The following STK24 variants were observed in gnomAD, a reference collection of about 807,000 sequenced individuals.
STK24 encodes the protein serine/threonine-protein kinase 24.
STK24 carries 21 observed loss-of-function variants against 55.6 expected under a neutral mutation model. The ratio of observed to expected loss-of-function variants is 0.38; its 90% CI spans 0.27 to 0.54. The LOEUF is 0.54. Ranked by LOEUF, STK24 falls within the 20% of genes least tolerant of loss-of-function variation. The pLI is 0.79. For synonymous variants in STK24, 200 were observed against 215.2 expected (o/e 0.93, Z 0.62); for missense variants, 383 against 538.4 (o/e 0.71, Z 2.86).
At chr13:98,571,035 C>A (rs998080289) in intron 1 of STK24, among the ~76,000 whole-genome samples, 1 of 152,144 alleles carries the variant, frequency 6.6e-6, no homozygotes. Context: ...CCACTTCCTG[C>A]AGGTAAGGAG....
intron 2 of STK24, among the ~76,000 whole-genome samples, chr13:98,489,920 G>A (rs1186817470): frequency 6.6e-6 from 1 of 152,188 alleles, no homozygotes; most frequent in African/African-American, 2.4e-5. Flanking sequence ...TAAGAGCGAG[G>A]AGAAAAGCAA....
At chr13:98,466,595 G>C (rs1345445032) in intron 5 of STK24, 34 bp from the exon 6 acceptor site, 3 of 1,606,598 alleles carry the variant, frequency 1.9e-6, no homozygotes, top group Non-Finnish European at 1.7e-6. Flanking sequence ...CAAACACCAA[G>C]CAGGAATCTA....
intron 1 of STK24, among the ~76,000 whole-genome samples, chr13:98,565,535 G>A (rs1267852020): frequency 6.6e-6 from 1 of 151,812 alleles, no homozygotes. Context: ...GGGAGGCTGA[G>A]GCAGGAGAAT....
intron 1 of STK24, among the ~76,000 whole-genome samples, chr13:98,529,161 C>A (rs762357175): frequency 6.6e-6 from 1 of 152,094 alleles, no homozygotes; most frequent in African/African-American, 2.4e-5. Flanking sequence ...CCATACCCGC[C>A]GTCTCCCTCT....
intron 1 of STK24, among the ~76,000 whole-genome samples, chr13:98,525,399 C>G: frequency 6.6e-6 from 1 of 152,206 alleles, no homozygotes. Flanking sequence ...AGGGCTCCGC[C>G]TTTTCTGAAG....
chr13:98,569,876 AAT>A (rs1491564133), intron 1 of STK24, among the ~76,000 whole-genome samples: 4 of 146,756 alleles, frequency 2.7e-5, no homozygotes, highest in African/African-American at 2.6e-5. Flanking sequence ...CACAGGCAGA[AAT>A]TTTTTTTTTT....
chr13:98,529,210 T>C (rs1896514599), intron 1 of STK24, among the ~76,000 whole-genome samples: 1 of 152,082 alleles, frequency 6.6e-6, no homozygotes. Flanking sequence ...GTTAACAGTG[T>C]TGCTACCTAC....
chr13:98,481,937 T>C (rs1293383637), intron 3 of STK24, among the ~76,000 whole-genome samples: 2 of 152,012 alleles, frequency 1.3e-5, no homozygotes, highest in Non-Finnish European at 2.9e-5. Flanking sequence ...TGTGGTGGCA[T>C]GCACCTGTAG....
intron 1 of STK24, among the ~76,000 whole-genome samples, chr13:98,524,102 AG>A (rs1325980503): frequency 6.6e-6 from 1 of 152,030 alleles, no homozygotes; most frequent in Non-Finnish European, 1.5e-5. Context: ...CTGTGCCAGG[AG>A]GGAAGTGAGG....
At chr13:98,497,103 G>T (rs1464626867) in intron 2 of STK24, among the ~76,000 whole-genome samples, 1 of 152,172 alleles carries the variant, frequency 6.6e-6, no homozygotes, top group Non-Finnish European at 1.5e-5. Context: ...CCCCTCAGCT[G>T]CCAGGCCCAC....
intron 1 of STK24, among the ~76,000 whole-genome samples, chr13:98,571,399 GCA>G (rs943441253): frequency 1.3e-5 from 2 of 152,132 alleles, no homozygotes; most frequent in Non-Finnish European, 1.5e-5. Flanking sequence ...TAACTGCTCA[GCA>G]CAGTTAGCAA....
At chr13:98,521,728 G>C in intron 1 of STK24, 1 of 773,498 alleles carries the variant, frequency 1.3e-6, no homozygotes, top group East Asian at 2.4e-5. Flanking sequence ...AACATACCCC[G>C]TTTTCAGCAG....
intron 1 of STK24, among the ~76,000 whole-genome samples, chr13:98,546,095 AATTGTTC>A (rs1897022880): frequency 6.6e-6 from 1 of 152,174 alleles, no homozygotes; most frequent in Non-Finnish European, 1.5e-5. Flanking sequence ...TGATACATGA[AATTGTTC>A]AGTTTAAAAG....
chr13:98,479,568 G>A (rs936614537), intron 3 of STK24, among the ~76,000 whole-genome samples: 7 of 152,130 alleles, frequency 4.6e-5, no homozygotes, highest in African/African-American at 1.7e-4. Flanking sequence ...TCTCTGCTTC[G>A]TCCTTCGCTC....
chr13:98,465,841 G>A, intron 6 of STK24, among the ~76,000 whole-genome samples: 1 of 152,184 alleles, frequency 6.6e-6, no homozygotes, highest in Non-Finnish European at 1.5e-5. Context: ...ATGAGGCAAA[G>A]CCACACAGTC....
At chr13:98,492,232 C>T (rs1895070700) in intron 2 of STK24, among the ~76,000 whole-genome samples, 1 of 152,000 alleles carries the variant, frequency 6.6e-6, no homozygotes, top group African/African-American at 2.4e-5. Flanking sequence ...GGCATCACAA[C>T]ATAATGCCAA....
chr13:98,474,962 C>T lies in STK24; in HGVS notation c.456G>A (p.Leu152=), dbSNP rs564643365. 19 of 1,612,734 alleles carry T rather than the reference C, an allele frequency of 1.2e-5. No individual in the cohort carries two copies. In the African/African-American group the frequency reaches 1.3e-4, roughly 11 times the overall value. ...HRDIKAANVL[L]SEHGEVKLAD... ...CCAGCTTCACCTCGCCATGCTCAGA[C>T]AGCAGGACGTTGGCCGCTGCAAAAG... The change falls in exon 5 of 11, where the codon CTG becomes CTA. Residue 152 remains leucine (L), a synonymous_variant. Transcript: ENST00000539966.
At chr13:98,509,722 T>A (rs1895815280) in intron 2 of STK24, among the ~76,000 whole-genome samples, 1 of 152,212 alleles carries the variant, frequency 6.6e-6, no homozygotes, top group African/African-American at 2.4e-5. Context: ...CCCAGCAGAC[T>A]GAGCTCCCCA....
At chr13:98,462,014 T>A in intron 7 of STK24, 117 bp from the exon 8 acceptor site, 1 of 1,286,970 alleles carries the variant, frequency 7.8e-7, no homozygotes, top group Non-Finnish European at 1.1e-6. Context: ...CAGCCCCAAG[T>A]CCCCACCCAT....
Sources: allele counts gnomAD v4.1 joint callset (sites outside exome capture counted in the v4.1 genomes callset), GRCh38; gene constraint gnomAD v4.1.1; transcripts MANE v1.5; gene names NCBI Gene and HGNC (gene_info 2026-07-23, HGNC 2026-07-21).